The following ZSCAN5A variants were observed in gnomAD, a reference collection of about 807,000 sequenced individuals.
The protein encoded by ZSCAN5A is zinc finger and SCAN domain-containing protein 5A.
In ZSCAN5A, 12 loss-of-function variants were observed where a neutral mutation model predicts 23.7. The observed-to-expected ratio is 0.51, with a 90% CI of 0.32 to 0.82. The LOEUF (loss-of-function observed/expected upper bound fraction) is 0.82, where lower values mean the gene tolerates loss of function less well. ZSCAN5A is among the 40% of genes least tolerant of loss of function. The pLI is 0.03. For missense variants in ZSCAN5A, 597 were observed against 617.9 expected (o/e 0.97, Z 0.36); for synonymous variants, 257 against 239.9 (o/e 1.07, Z -0.66).
At chr19:56,344,729 C>T (rs1441033989) in intron 2 of ZSCAN5A, among the ~76,000 whole-genome samples, 2 of 150,038 alleles carry the variant, frequency 1.3e-5, no homozygotes, top group African/African-American at 2.5e-5. Flanking sequence ...AGGTGAAACC[C>T]CGTCTCTACT....
chr19:56,335,787 C>CA (rs1262754672), intron 2 of ZSCAN5A, among the ~76,000 whole-genome samples: 2 of 152,168 alleles, frequency 1.3e-5, no homozygotes, highest in Non-Finnish European at 2.9e-5. Context: ...CTGGTGGTGA[C>CA]AAAATCTCTC....
chr19:56,308,559 G>C (rs2040846535), intron 2 of ZSCAN5A, among the ~76,000 whole-genome samples: 1 of 149,904 alleles, frequency 6.7e-6, no homozygotes, highest in Admixed American at 6.6e-5. Context: ...CCTGACCTCA[G>C]GTGACCCACC....
intron 2 of ZSCAN5A, among the ~76,000 whole-genome samples, chr19:56,294,131 A>G (rs2039701853): frequency 1.3e-5 from 2 of 152,162 alleles, no homozygotes. Flanking sequence ...ACACCTGCCT[A>G]AGGGCCCACC....
intron 2 of ZSCAN5A, among the ~76,000 whole-genome samples, chr19:56,273,871 G>A (rs892304400): frequency 2.0e-5 from 3 of 152,180 alleles, no homozygotes; most frequent in African/African-American, 7.2e-5. Flanking sequence ...GCGTGTGTGT[G>A]CATGTATGTG....
At position 56,292,278 on chromosome 19, in the gene ZSCAN5A, A is replaced by G. The variant is rs183737974; in HGVS notation, c.-128+21005T>C. ...AAATATACAAAACATGAAATTTACCATTGTAACTTGTTTTCATTTTTTAGA... is the reference window on the plus strand; with the variant it reads ...AAATATACAAAACATGAAATTTACCGTTGTAACTTGTTTTCATTTTTTAGA... On this transcript the variant is annotated intron_variant, in intron 2 of 5. Transcript: ENST00000683990. Among the ~76,000 whole-genome samples, 225 of 152,240 alleles carry G rather than the reference A, an allele frequency of 1.5e-3. 4 individuals are homozygous for G. The South Asian group carries it at 0.033, about 23-fold the overall frequency.
At chr19:56,317,643 G>T (rs1259792211), upstream of ZSCAN5A, 1 of 152,296 alleles carries the variant, frequency 6.6e-6, no homozygotes, top group East Asian at 1.9e-4. Flanking sequence ...TTATAGCCTG[G>T]AAGGCCCTGC....
intron 1 of ZSCAN5A, chr19:56,368,112 C>A (rs890232604): frequency 6.6e-6 from 1 of 152,450 alleles, no homozygotes; most frequent in East Asian, 1.9e-4. Flanking sequence ...GCCACGCCCC[C>A]ACGGCCGAAC....
At chr19:56,358,976 A>G (rs1385713603) in intron 2 of ZSCAN5A, among the ~76,000 whole-genome samples, 2 of 152,216 alleles carry the variant, frequency 1.3e-5, no homozygotes, top group East Asian at 3.9e-4. Flanking sequence ...AAAGCTAGAA[A>G]GATCTCAAAT....
chr19:56,278,808 C>T (rs59820036), intron 2 of ZSCAN5A, among the ~76,000 whole-genome samples: 3,466 of 152,004 alleles, frequency 0.023, 125 homozygotes, highest in African/African-American at 0.079. Context: ...ATCCCAAAAG[C>T]TGGAGTACCT....
At chr19:56,300,799 G>A (rs1355004981) in intron 2 of ZSCAN5A, among the ~76,000 whole-genome samples, 2 of 150,576 alleles carry the variant, frequency 1.3e-5, no homozygotes, top group Admixed American at 6.6e-5. Context: ...ACAGGTTTAC[G>A]TGTAAAAAAA....
At chr19:56,247,808 C>A (rs984046856) in intron 2 of ZSCAN5A, among the ~76,000 whole-genome samples, 5 of 152,094 alleles carry the variant, frequency 3.3e-5, no homozygotes, top group Non-Finnish European at 7.4e-5. Flanking sequence ...TCTCCTGCCT[C>A]AGCCTCCCGA....
At chr19:56,285,230 T>C (rs150241116) in intron 2 of ZSCAN5A, among the ~76,000 whole-genome samples, 7 of 152,364 alleles carry the variant, frequency 4.6e-5, no homozygotes, top group Admixed American at 4.6e-4. Flanking sequence ...ATAATTATTA[T>C]GCTGTGGAGT....
intron 2 of ZSCAN5A, among the ~76,000 whole-genome samples, chr19:56,329,998 T>C (rs2041475218): frequency 6.6e-6 from 1 of 152,226 alleles, no homozygotes; most frequent in Non-Finnish European, 1.5e-5. Context: ...TTCTCCCCTC[T>C]GGTACTCCCC....
At chr19:56,222,538 C>G (rs2033373503) in intron 5 of ZSCAN5A, 53 bp downstream of exon 5, 2 of 1,594,782 alleles carry the variant, frequency 1.3e-6, no homozygotes. Flanking sequence ...CCCCCAGCCC[C>G]GCACCCCAGA....
intron 2 of ZSCAN5A, among the ~76,000 whole-genome samples, chr19:56,237,629 C>T (rs1010515160): frequency 3.9e-5 from 6 of 151,996 alleles, no homozygotes; most frequent in Non-Finnish European, 7.4e-5. Flanking sequence ...CTGAGAAGAT[C>T]GATTATGGGC....
chr19:56,286,922 C>T (rs2039167959), intron 2 of ZSCAN5A, among the ~76,000 whole-genome samples: 1 of 152,272 alleles, frequency 6.6e-6, no homozygotes, highest in Non-Finnish European at 1.5e-5. Context: ...TACCAGCACA[C>T]ACCACCCAGG....
At chr19:56,240,093 T>C (rs10412595) in intron 2 of ZSCAN5A, among the ~76,000 whole-genome samples, 120,837 of 151,294 alleles carry the variant, frequency 0.8, 48,453 homozygotes, top group Middle Eastern at 0.84. Flanking sequence ...ACCCAGGAGG[T>C]GGAGCTTGCA....
chr19:56,235,002 C>A (rs1465399699), intron 2 of ZSCAN5A, among the ~76,000 whole-genome samples: 1 of 152,272 alleles, frequency 6.6e-6, no homozygotes, highest in African/African-American at 2.4e-5. Context: ...AGGCAGCACA[C>A]AGGCCACATC....
chr19:56,353,802 AAAAT>A (rs1044770053), intron 2 of ZSCAN5A, among the ~76,000 whole-genome samples: 5 of 152,052 alleles, frequency 3.3e-5, no homozygotes, highest in Middle Eastern at 3.4e-3. Context: ...AATAAAATAA[AAAAT>A]AAATAAATAA....
Sources: gnomAD v4.1 joint callset for allele counts (sites outside exome capture counted in the v4.1 genomes callset) on GRCh38, gnomAD v4.1.1 for gene constraint, MANE v1.5 for transcripts, NCBI Gene and HGNC (gene_info 2026-07-23, HGNC 2026-07-21) for gene names.